MBNL3: variants seen among roughly 807,000 people sequenced by gnomAD.
The protein encoded by MBNL3 is muscleblind like splicing regulator 3.
MBNL3 carries 6 observed loss-of-function variants against 24.5 expected under a neutral mutation model. That is an observed-to-expected ratio of 0.25 (90% CI 0.13 to 0.48). The LOEUF (loss-of-function observed/expected upper bound fraction) is 0.48, where lower values mean the gene tolerates loss of function less well. Ranked by LOEUF, MBNL3 falls within the 20% of genes least tolerant of loss-of-function variation. The pLI is 0.99. For missense variants in MBNL3, 230 were observed against 293.5 expected (o/e 0.78, Z 1.58); for synonymous variants, 100 against 101.7 (o/e 0.98, Z 0.10).
Position 132,370,284 on chromosome X carries a change from GT to G in MBNL3, c.*9381del, listed in dbSNP as rs1933499358. 8.9e-6 allele frequency: 1 copy of G among 112,085 alleles called. No homozygotes were observed. Among genetic ancestry groups the G allele is most frequent in the East Asian group, 2.8e-4 (1 of 3,587 alleles). The allele number at this position is 112,085 out of a possible 1,213,427, so 9.2% of individuals were successfully genotyped here. A position where few individuals can be genotyped will look rare whatever the true frequency, so the allele number is the denominator to read the frequency against. On this transcript the variant is annotated 3_prime_UTR_variant, in exon 9 of 9. Transcript: ENST00000370853. Reference sequence around the variant, plus strand: ...ATAATCATACCTCAGGCCTGTCATTGTATCATGCCCTCTACAGATGATGACC... The same window carrying G: ...ATAATCATACCTCAGGCCTGTCATTGATCATGCCCTCTACAGATGATGACC...
At chrX:132,489,450 C>A (rs1377922001), upstream of MBNL3, among the ~76,000 whole-genome samples, 1 of 111,599 alleles carries the variant, frequency 9.0e-6, no homozygotes, top group African/African-American at 3.2e-5. Context: ...GGGGCTCCCG[C>A]CCGGGCTCGC....
chrX:132,446,137 A>G (rs4829743), intron 1 of MBNL3, among the ~76,000 whole-genome samples: 13,924 of 111,391 alleles, frequency 0.13, 754 homozygotes, highest in East Asian at 0.3. Context: ...ATCCTTTTTT[A>G]TGGCTGCATA....
At position 132,370,881 on chromosome X, in the gene MBNL3, C is replaced by T. The variant is rs749679064; in HGVS notation, c.*8785G>A. ...CAAACTTGGTTTACATCTGGTTTTG[C>T]CTGTGGGTCAACTTTCTTCCAGCCA... On this transcript the variant is annotated 3_prime_UTR_variant, in exon 9 of 9. Transcript: ENST00000370853. 1 of 111,682 alleles carries T rather than the reference C, an allele frequency of 9.0e-6. No individual in the cohort carries two copies. Among genetic ancestry groups the T allele is most frequent in the Admixed American group, 9.5e-5 (1 of 10,504 alleles). 9.2% of individuals were successfully genotyped at this position (111,682 alleles called of 1,213,427 possible).
intron 2 of MBNL3, chrX:132,413,377 C>T (rs1942989167): frequency 3.0e-6 from 2 of 675,275 alleles, no homozygotes; most frequent in Non-Finnish European, 4.5e-6. Context: ...TATAAGTATG[C>T]CCCATACAAT....
At chrX:132,414,993 A>T (rs1439253446) in intron 2 of MBNL3, among the ~76,000 whole-genome samples, 1 of 111,826 alleles carries the variant, frequency 8.9e-6, no homozygotes, top group African/African-American at 3.3e-5. Context: ...CAAAGCTGTA[A>T]GTTTCGTCAG....
intron 1 of MBNL3, among the ~76,000 whole-genome samples, chrX:132,472,556 T>G (rs1184510732): frequency 2.7e-5 from 3 of 111,747 alleles, no homozygotes; most frequent in Non-Finnish European, 5.6e-5. Flanking sequence ...TTAAGAGGGA[T>G]ATGTTTGGAA....
chrX:132,449,907 T>G (rs1321547388), intron 1 of MBNL3, among the ~76,000 whole-genome samples: 1 of 108,823 alleles, frequency 9.2e-6, no homozygotes, highest in Non-Finnish European at 1.9e-5. Flanking sequence ...CTCCTTCATT[T>G]ATGAAGCTTA....
chrX:132,392,991 T>A (rs1459356349), intron 3 of MBNL3, among the ~76,000 whole-genome samples: 1 of 111,652 alleles, frequency 9.0e-6, no homozygotes. Context: ...TCCTGTTTTT[T>A]AAATTTTTAT....
At chrX:132,425,652 A>G (rs1944245353) in intron 2 of MBNL3, among the ~76,000 whole-genome samples, 1 of 111,534 alleles carries the variant, frequency 9.0e-6, no homozygotes, top group Non-Finnish European at 1.9e-5. Context: ...CTTGATTAGA[A>G]TCACCTTATT....
At chrX:132,415,980 T>TAA (rs1295794046) in intron 2 of MBNL3, among the ~76,000 whole-genome samples, 2 of 104,541 alleles carry the variant, frequency 1.9e-5, no homozygotes, top group African/African-American at 6.9e-5. Context: ...ACTATATATA[T>TAA]AAAAAAAAAA....
At chrX:132,393,961 C>T (rs1937577373) in intron 3 of MBNL3, among the ~76,000 whole-genome samples, 1 of 111,698 alleles carries the variant, frequency 9.0e-6, no homozygotes, top group Non-Finnish European at 1.9e-5. Flanking sequence ...TCCAAGAAGA[C>T]TCTGTTATAA....
intron 2 of MBNL3, chrX:132,437,851 T>C (rs1323033042): frequency 2.8e-5 from 13 of 462,443 alleles, no homozygotes; most frequent in Non-Finnish European, 3.5e-5. Context: ...AGTCATAATG[T>C]CTACCACAAA....
chrX:132,473,483 A>G (rs1235588969), intron 1 of MBNL3, among the ~76,000 whole-genome samples: 1 of 112,146 alleles, frequency 8.9e-6, no homozygotes, highest in Non-Finnish European at 1.9e-5. Context: ...TGGCATGAAG[A>G]TGCCGTTAAT....
chrX:132,443,185 G>T (rs777206137), intron 1 of MBNL3, among the ~76,000 whole-genome samples: 1 of 111,501 alleles, frequency 9.0e-6, no homozygotes, highest in Admixed American at 9.6e-5. Context: ...TTGATGTTTC[G>T]ATCTCTCAAA....
chrX:132,479,175 G>A (rs190212597), intron 1 of MBNL3, among the ~76,000 whole-genome samples: 173 of 111,907 alleles, frequency 1.5e-3, no homozygotes, highest in African/African-American at 5.5e-3. Flanking sequence ...CTTGAACCTA[G>A]GAGGCAGAGG....
At chrX:132,474,408 A>T (rs1947334096) in intron 1 of MBNL3, among the ~76,000 whole-genome samples, 1 of 111,881 alleles carries the variant, frequency 8.9e-6, no homozygotes, top group South Asian at 3.7e-4. Context: ...CCATTTAAAA[A>T]TAATCCTATC....
chrX:132,430,325 C>G (rs1296885807), intron 2 of MBNL3: 1 of 111,455 alleles, frequency 9.0e-6, no homozygotes, highest in African/African-American at 3.3e-5. Context: ...ACTTACATAA[C>G]CATAACACAA....
rs1272110912 is a variant in MBNL3, at chrX:132,374,387, A to G, written c.*5279T>C. 9.0e-6 allele frequency: 1 copy of G among 111,205 alleles called. No individual in the cohort carries two copies. Among genetic ancestry groups the G allele is most frequent in the Non-Finnish European group, 1.9e-5 (1 of 52,856 alleles). 9.2% of individuals were successfully genotyped at this position (111,205 alleles called of 1,213,427 possible). A position where few individuals can be genotyped will look rare whatever the true frequency, so the allele number is the denominator to read the frequency against. On this transcript the variant is annotated 3_prime_UTR_variant, in exon 9 of 9. Transcript: ENST00000370853. ...TGCTAATGATCTTGTTAAAAGATGA[A>G]GTTATTCTACTCTTGTTCAGTGCTG... is the stretch of plus-strand genomic sequence containing the variant.
At chrX:132,456,972 C>T (rs1946403584) in intron 1 of MBNL3, among the ~76,000 whole-genome samples, 1 of 111,555 alleles carries the variant, frequency 9.0e-6, no homozygotes, top group African/African-American at 3.3e-5. Context: ...GCATAAAAGC[C>T]CTTGGGCACG....
Sources: gnomAD v4.1 joint callset for allele counts (sites outside exome capture counted in the v4.1 genomes callset) on GRCh38, gnomAD v4.1.1 for gene constraint, MANE v1.5 for transcripts, NCBI Gene and HGNC (gene_info 2026-07-23, HGNC 2026-07-21) for gene names.